RAB6B: variants seen among roughly 807,000 people sequenced by gnomAD.
RAB6B encodes RAB6B, member RAS oncogene family, also known as ras-related protein Rab-6B.
RAB6B carries 7 observed loss-of-function variants against 31.2 expected under a neutral mutation model. The observed-to-expected ratio is 0.22, with a 90% CI of 0.13 to 0.42. The LOEUF (loss-of-function observed/expected upper bound fraction) is 0.42, where lower values mean the gene tolerates loss of function less well. Among genes scored for constraint, RAB6B ranks in the 10% least tolerant of loss-of-function variants. The probability of loss-of-function intolerance (pLI) is 1.00; values close to 1 mark genes in which losing one functional copy is unlikely to be tolerated. For missense variants in RAB6B, 149 were observed against 280.6 expected (o/e 0.53, Z 3.35); for synonymous variants, 105 against 104.9 (o/e 1.00, Z -0.01).
At chr3:133,875,069 C>A (rs1192086194) in intron 1 of RAB6B, among the ~76,000 whole-genome samples, 1 of 152,186 alleles carries the variant, frequency 6.6e-6, no homozygotes, top group Non-Finnish European at 1.5e-5. Context: ...GGTGTACACT[C>A]TAAACATAAC....
chr3:133,827,318 G>C lies in RAB6B; in HGVS notation c.*1470C>G, dbSNP rs1935580450. ...AGGGAGAGCCAATGACAGCAGGGAG[G>C]GTGGGGTTTACATTTTGGCCAGACT... On this transcript the variant is annotated 3_prime_UTR_variant, in exon 8 of 8. Coordinates refer to ENST00000285208, the MANE Select transcript of RAB6B (RefSeq NM_016577.4). 6.6e-6 allele frequency: 1 copy of C among 152,274 alleles called. No individual in the cohort carries two copies. Among genetic ancestry groups the C allele is most frequent in the Non-Finnish European group, 1.5e-5 (1 of 68,086 alleles). The allele number at this position is 152,274 out of a possible 1,614,324, so 9.4% of individuals were successfully genotyped here. A position where few individuals can be genotyped will look rare whatever the true frequency, so the allele number is the denominator to read the frequency against.
At chr3:133,851,103 A>G (rs901360642) in intron 2 of RAB6B, among the ~76,000 whole-genome samples, 8 of 152,122 alleles carry the variant, frequency 5.3e-5, no homozygotes, top group African/African-American at 1.7e-4. Flanking sequence ...ATATTTTTAG[A>G]TAAACAAAAA....
intron 2 of RAB6B, among the ~76,000 whole-genome samples, chr3:133,842,666 G>A (rs1935852786): frequency 6.6e-6 from 1 of 152,152 alleles, no homozygotes; most frequent in Non-Finnish European, 1.5e-5. Context: ...AACATCATGT[G>A]GCGAGTGATC....
chr3:133,855,616 T>C (rs1173614426), intron 2 of RAB6B, among the ~76,000 whole-genome samples: 1 of 152,204 alleles, frequency 6.6e-6, no homozygotes, highest in Non-Finnish European at 1.5e-5. Flanking sequence ...AATGGATTCA[T>C]GTGTGCCAGC....
intron 6 of RAB6B, among the ~76,000 whole-genome samples, 172 bp from the exon 7 acceptor site, chr3:133,834,813 C>G (rs1022738710): frequency 6.6e-6 from 1 of 152,188 alleles, no homozygotes; most frequent in Non-Finnish European, 1.5e-5. Context: ...CTCTCTCCCC[C>G]ACCTCTCACA....
chr3:133,891,199 G>T (rs1936633658), intron 1 of RAB6B, among the ~76,000 whole-genome samples: 1 of 152,180 alleles, frequency 6.6e-6, no homozygotes, highest in Non-Finnish European at 1.5e-5. Context: ...GCCACTGAAT[G>T]ATCATTAACC....
rs573067373 is a variant in RAB6B, at chr3:133,853,521, C to T, written c.129+11063G>A. Among the ~76,000 whole-genome samples, 18 of 151,796 alleles carry T rather than the reference C, an allele frequency of 1.2e-4. 1 individual carries two copies. Among genetic ancestry groups the T allele is most frequent in the African/African-American group, 4.3e-4 (18 of 41,404 alleles). ...GCTCCCCAGGACAGACCATAGCCAG[C>T]CCCACAGGAGCTACCATGCACCCTG... On this transcript the variant is annotated intron_variant, in intron 2 of 7. Coordinates refer to ENST00000285208, the MANE Select transcript of RAB6B (RefSeq NM_016577.4).
At chr3:133,848,017 T>C (rs1005280952) in intron 2 of RAB6B, among the ~76,000 whole-genome samples, 2 of 152,212 alleles carry the variant, frequency 1.3e-5, no homozygotes, top group Non-Finnish European at 2.9e-5. Context: ...TCCCAATCTA[T>C]AACCCAGGAC....
intron 2 of RAB6B, among the ~76,000 whole-genome samples, chr3:133,851,002 C>T (rs1576398300): frequency 7.8e-6 from 1 of 128,166 alleles, no homozygotes; most frequent in Non-Finnish European, 1.7e-5. Flanking sequence ...TGGAATGACA[C>T]AATAAAAGTG....
intron 6 of RAB6B, among the ~76,000 whole-genome samples, chr3:133,836,902 G>A (rs914923096): frequency 5.6e-4 from 85 of 152,184 alleles, no homozygotes; most frequent in African/African-American, 2.0e-3. Flanking sequence ...TCTTCTTGTC[G>A]TTCTGCCAGC....
chr3:133,845,411 C>T (rs1576396711), intron 2 of RAB6B, among the ~76,000 whole-genome samples: 1 of 152,242 alleles, frequency 6.6e-6, no homozygotes, highest in East Asian at 1.9e-4. Context: ...ACTGAGGACA[C>T]AGCATAAAGG....
chr3:133,839,415 A>G, intron 5 of RAB6B, 91 bp downstream of exon 5: 6 of 1,128,596 alleles, frequency 5.3e-6, no homozygotes, highest in Non-Finnish European at 8.1e-6. Flanking sequence ...AAGCACAGAC[A>G]CACCACCCAT....
chr3:133,895,519 G>C lies in RAB6B; in HGVS notation c.-53C>G. On this transcript the variant is annotated 5_prime_UTR_variant, in exon 1 of 8. Transcript: ENST00000285208. ...AGGAGGAGGAAAAAGCGAAGGAGCA[G>C]GGAGGGGAGAGTAGGAGGGCGAGGG... 6 of 1,586,912 alleles carry C rather than the reference G, an allele frequency of 3.8e-6. No individual in the cohort carries two copies. Among genetic ancestry groups the C allele is most frequent in the Non-Finnish European group, 4.3e-6 (5 of 1,158,184 alleles).
intron 1 of RAB6B, chr3:133,885,667 T>C: frequency 1.4e-6 from 1 of 702,166 alleles, no homozygotes; most frequent in South Asian, 1.5e-5. Context: ...CCCAGGGCAC[T>C]GTGGAGATAG....
rs139762506 is a variant in RAB6B at position 133,828,166 on chromosome 3, C to T, written c.*622G>A. Reference sequence around the variant, plus strand: ...CACAGACCTTGGTCTCAGCTCCACACGAGGTTGACGACCCACTCTGGCCAT... The same window carrying T: ...CACAGACCTTGGTCTCAGCTCCACATGAGGTTGACGACCCACTCTGGCCAT... On this transcript the variant is annotated 3_prime_UTR_variant, in exon 8 of 8. Transcript: ENST00000285208. 468 of 591,804 alleles carry T rather than the reference C, an allele frequency of 7.9e-4. 1 individual carries two copies. The highest frequency in any genetic ancestry group is 5.1e-3 in the African/African-American group (274 of 53,870). 36.7% of individuals were successfully genotyped at this position (591,804 alleles called of 1,614,324 possible).
At chr3:133,867,201 G>C (rs1273655716) in intron 1 of RAB6B, among the ~76,000 whole-genome samples, 2 of 152,218 alleles carry the variant, frequency 1.3e-5, no homozygotes, top group African/African-American at 4.8e-5. Flanking sequence ...TGGGAATTGT[G>C]CAGGAGGAGC....
Position 133,838,180 on chromosome 3 carries a change from A to G in RAB6B, c.481T>C (p.Tyr161His). 6.2e-7 allele frequency: 1 copy of G among 1,614,080 alleles called. No individual in the cohort carries two copies. The highest frequency in any genetic ancestry group is 8.5e-7 in the Non-Finnish European group (1 of 1,179,952). Residue 161 changes from tyrosine (Y) to histidine (H), a missense_variant, in exon 6 of 8, where the codon TAC becomes CAC. By Grantham distance (83) the Tyr-to-His change is moderately conservative. Transcript: ENST00000285208. Reference protein sequence around the residue: ...MFIETSAKTGYNVKQLFRRVA... With the variant: ...MFIETSAKTGHNVKQLFRRVA... ...TGTGTCCTCACCTGCTTCACGTTGTAGCCAGTCTTCGCACTGGTCTCAATG... is the reference window on the plus strand; with the variant it reads ...TGTGTCCTCACCTGCTTCACGTTGTGGCCAGTCTTCGCACTGGTCTCAATG...
intron 1 of RAB6B, among the ~76,000 whole-genome samples, chr3:133,882,665 T>C (rs1239438390): frequency 3.3e-5 from 5 of 152,142 alleles, no homozygotes; most frequent in African/African-American, 9.7e-5. Flanking sequence ...TTCTCCCACA[T>C]CACACCCAGC....
At chr3:133,880,947 T>A (rs1411313700) in intron 1 of RAB6B, among the ~76,000 whole-genome samples, 2 of 152,106 alleles carry the variant, frequency 1.3e-5, no homozygotes, top group Admixed American at 1.3e-4. Context: ...GGGTGGAAAA[T>A]GCACTTAGAT....
Sources: allele counts gnomAD v4.1 joint callset (sites outside exome capture counted in the v4.1 genomes callset), GRCh38; gene constraint gnomAD v4.1.1; transcripts MANE v1.5; gene names NCBI Gene and HGNC (gene_info 2026-07-23, HGNC 2026-07-21).